SIPA1L1: variants seen among roughly 807,000 people sequenced by gnomAD.
SIPA1L1 encodes signal-induced proliferation-associated 1-like protein 1.
A neutral mutation model predicts 162.7 loss-of-function variants in SIPA1L1; 26 were observed. The observed-to-expected ratio is 0.16, with a 90% confidence interval of 0.12 to 0.22. The LOEUF (loss-of-function observed/expected upper bound fraction) is 0.22, where lower values mean the gene tolerates loss of function less well. Ranked by LOEUF, SIPA1L1 falls within the 10% of genes least tolerant of loss-of-function variation. SIPA1L1 has a pLI of 1.00. For missense variants in SIPA1L1, 1,874 were observed against 2,241.0 expected (o/e 0.84, Z 3.31); for synonymous variants, 829 against 837.4 (o/e 0.99, Z 0.17).
At chr14:71,433,238 C>CT (rs925005282) in intron 2 of SIPA1L1, among the ~76,000 whole-genome samples, 2 of 152,182 alleles carry the variant, frequency 1.3e-5, no homozygotes, top group Non-Finnish European at 2.9e-5. Flanking sequence ...CTCAGAGTCT[C>CT]TATTTCCTGA....
chr14:71,720,399 C>G (rs1239064073), intron 17 of SIPA1L1, among the ~76,000 whole-genome samples: 2 of 151,858 alleles, frequency 1.3e-5, no homozygotes, highest in Non-Finnish European at 2.9e-5. Context: ...TGGCCAACAT[C>G]GTGAAATTCT....
At chr14:71,677,179 G>A (rs893966789) in intron 12 of SIPA1L1, among the ~76,000 whole-genome samples, 22 of 152,336 alleles carry the variant, frequency 1.4e-4, no homozygotes, top group Non-Finnish European at 2.9e-4. Context: ...ACTGGTGTGA[G>A]ATGGTATTTC....
chr14:71,366,385 A>G (rs1374549726), intron 2 of SIPA1L1, among the ~76,000 whole-genome samples: 1 of 152,146 alleles, frequency 6.6e-6, no homozygotes, highest in African/African-American at 2.4e-5. Context: ...GTGCTGTAGT[A>G]TAAACATTGA....
At chr14:71,574,194 T>A (rs940405156) in intron 4 of SIPA1L1, 4 of 170,518 alleles carry the variant, frequency 2.3e-5, no homozygotes, top group African/African-American at 9.6e-5. Context: ...GGTGGACAAC[T>A]TCCTGAAAGA....
chr14:71,528,103 C>A (rs889752012), intron 3 of SIPA1L1, among the ~76,000 whole-genome samples: 1 of 152,114 alleles, frequency 6.6e-6, no homozygotes, highest in African/African-American at 2.4e-5. Context: ...TTAAAAATCT[C>A]AAGTTCTGTG....
rs541022499 is a variant in SIPA1L1, at chr14:71,488,360, G to T, written c.-464-24383G>T. 7.0e-4 allele frequency among the ~76,000 whole-genome samples: 106 copies of T among 152,128 alleles called. 1 individual carries two copies. Among genetic ancestry groups the T allele is most frequent in the Non-Finnish European group, 7.5e-4 (51 of 68,036 alleles). ...TGTTTATAGATGTGTTTTCAGAGGT[G>T]TATTTGTTTTAGAATTTCACTCTGT... On this transcript the variant is annotated intron_variant, in intron 2 of 23. Coordinates refer to ENST00000381232, the MANE Select transcript of SIPA1L1 (RefSeq NM_001386936.1).
chr14:71,523,440 C>T (rs1304003270), intron 3 of SIPA1L1, among the ~76,000 whole-genome samples: 2 of 151,794 alleles, frequency 1.3e-5, no homozygotes, highest in East Asian at 1.9e-4. Context: ...CCTTTGCCCA[C>T]CTTTCCCAAA....
At chr14:71,538,940 A>G (rs1245415040) in intron 4 of SIPA1L1, among the ~76,000 whole-genome samples, 2 of 152,240 alleles carry the variant, frequency 1.3e-5, no homozygotes, top group Non-Finnish European at 2.9e-5. Context: ...TGTGCACATC[A>G]TTAACTGCAG....
intron 2 of SIPA1L1, among the ~76,000 whole-genome samples, chr14:71,364,714 C>CAGCA (rs2038118267): frequency 6.6e-6 from 1 of 151,988 alleles, no homozygotes; most frequent in Non-Finnish European, 1.5e-5. Context: ...CTCTGGCCTA[C>CAGCA]AGCACATCAT....
At chr14:71,584,257 A>T (rs944278400) in intron 4 of SIPA1L1, among the ~76,000 whole-genome samples, 1 of 152,194 alleles carries the variant, frequency 6.6e-6, no homozygotes, top group Non-Finnish European at 1.5e-5. Flanking sequence ...AGGAGTACAG[A>T]TGCTTCACAG....
chr14:71,409,166 G>A, intron 2 of SIPA1L1, among the ~76,000 whole-genome samples: 1 of 152,126 alleles, frequency 6.6e-6, no homozygotes. Context: ...GCCCATTTGG[G>A]CTCTGTAAAA....
At chr14:71,611,464 G>T (rs113165275) in intron 5 of SIPA1L1, among the ~76,000 whole-genome samples, 1 of 146,674 alleles carries the variant, frequency 6.8e-6, no homozygotes, top group African/African-American at 2.8e-5. Flanking sequence ...TTACATAGGT[G>T]TACATGTGCC....
At chr14:71,551,285 A>T (rs567882357) in intron 4 of SIPA1L1, among the ~76,000 whole-genome samples, 1 of 152,136 alleles carries the variant, frequency 6.6e-6, no homozygotes, top group Admixed American at 6.5e-5. Flanking sequence ...GTTTCCTGGG[A>T]CTTTCTTGGT....
intron 7 of SIPA1L1, among the ~76,000 whole-genome samples, chr14:71,625,546 A>G (rs572377556): frequency 1.3e-5 from 2 of 152,320 alleles, no homozygotes; most frequent in African/African-American, 4.8e-5. Context: ...TGACACATAC[A>G]TCTGAAGAAT....
chr14:71,340,010 G>T (rs17767434), intron 2 of SIPA1L1, among the ~76,000 whole-genome samples: 1 of 152,158 alleles, frequency 6.6e-6, no homozygotes, highest in African/African-American at 2.4e-5. Flanking sequence ...TATTTTGGCT[G>T]TGTGCATAAA....
intron 2 of SIPA1L1, among the ~76,000 whole-genome samples, chr14:71,409,103 A>C (rs985589268): frequency 6.6e-6 from 1 of 152,126 alleles, no homozygotes; most frequent in Non-Finnish European, 1.5e-5. Flanking sequence ...CAGGTTCAAC[A>C]TTCTGTTGCT....
chr14:71,590,277 A>G (rs2035218564), intron 5 of SIPA1L1, among the ~76,000 whole-genome samples: 1 of 151,912 alleles, frequency 6.6e-6, no homozygotes, highest in Non-Finnish European at 1.5e-5. Context: ...AGGAAACAGG[A>G]TGCTTACCCA....
intron 12 of SIPA1L1, among the ~76,000 whole-genome samples, chr14:71,678,175 A>G (rs968281618): frequency 8.5e-5 from 13 of 152,264 alleles, no homozygotes; most frequent in Non-Finnish European, 1.5e-4. Context: ...TTCCAACGCT[A>G]TGTTGAATAA....
intron 6 of SIPA1L1, among the ~76,000 whole-genome samples, chr14:71,620,419 T>A (rs936654624): frequency 8.5e-5 from 13 of 152,216 alleles, no homozygotes; most frequent in African/African-American, 2.9e-4. Context: ...CAAGTATTTT[T>A]GTCTTTCGCA....
Sources: allele counts gnomAD v4.1 joint callset (sites outside exome capture counted in the v4.1 genomes callset), GRCh38; gene constraint gnomAD v4.1.1; transcripts MANE v1.5; gene names NCBI Gene and HGNC (gene_info 2026-07-23, HGNC 2026-07-21).